UTP20: variants seen among roughly 807,000 people sequenced by gnomAD.
The protein encoded by UTP20 is small subunit processome component 20 homolog.
A neutral mutation model predicts 329.5 loss-of-function variants in UTP20; 164 were observed. The observed-to-expected ratio is 0.50, with a 90% CI of 0.44 to 0.57. The LOEUF is 0.57. Ranked by LOEUF, UTP20 falls within the 20% of genes least tolerant of loss-of-function variation. The pLI, the probability that UTP20 is intolerant of heterozygous loss-of-function variation, is 0.00. For missense variants in UTP20, 3,055 were observed against 3,284.2 expected, an observed-to-expected ratio of 0.93 and a Z score of 1.71; for synonymous variants, 1,151 against 1,159.3, an observed-to-expected ratio of 0.99 and a Z score of 0.14.
In UTP20 at chr12:101,292,077, G is replaced by A. The variant is rs766537549; in HGVS notation, c.1146G>A (p.Glu382=). ...TGGGTGAAAATGTTTCCTTGCCGGA[G>A]ACCCTCATCAAAGAAACCATAGAAA... ...LILGENVSLP[E]TLIKETIEKI... is the part of the protein sequence containing the mutation. Residue 382 remains glutamate (E), a synonymous_variant, in exon 10 of 62, where the codon GAG becomes GAA. Coordinates refer to ENST00000261637, the MANE Select transcript of UTP20 (RefSeq NM_014503.3). The A allele has an allele frequency of 4.3e-6, 7 of 1,613,158 alleles. 1 individual carries two copies. Among genetic ancestry groups the A allele is most frequent in the Admixed American group, 1.7e-5 (1 of 59,808 alleles).
At chr12:101,305,011 A>G (rs1344233160) in intron 15 of UTP20, among the ~76,000 whole-genome samples, 7 of 151,600 alleles carry the variant, frequency 4.6e-5, no homozygotes, top group African/African-American at 1.7e-4. Context: ...TGACTTTTTC[A>G]CTTCCTTTGG....
rs765245286 is a variant in UTP20 at position 101,286,502 on chromosome 12, A to G, written c.508A>G (p.Ile170Val). Residue 170 changes from isoleucine (I) to valine (V), a missense_variant, in exon 5 of 62, where the codon ATA becomes GTA. Transcript: ENST00000261637. ...WRLMVKDMSS[I>V]YSMYSTLLAH... Reference sequence around the variant, plus strand: ...ACTGATGGTGAAGGACATGTCCAGTATATACAGGTAACCCCTTTCTCTCTC... The same window carrying G: ...ACTGATGGTGAAGGACATGTCCAGTGTATACAGGTAACCCCTTTCTCTCTC... 6 of 1,585,796 alleles carry G rather than the reference A, an allele frequency of 3.8e-6. No individual in the cohort carries two copies. Among genetic ancestry groups the G allele is most frequent in the Non-Finnish European group, 5.1e-6 (6 of 1,166,330 alleles).
intron 41 of UTP20, among the ~76,000 whole-genome samples, chr12:101,355,558 T>G (rs1869691297): frequency 6.6e-6 from 1 of 152,200 alleles, no homozygotes; most frequent in Non-Finnish European, 1.5e-5. Context: ...TGGCCAACTA[T>G]GGCTCAGGGA....
In UTP20 at chr12:101,346,606, GA is replaced by G; in HGVS notation, c.4884+21del. 1.9e-6 allele frequency: 3 copies of G among 1,563,416 alleles called. No individual in the cohort carries two copies. The highest frequency in any genetic ancestry group is 2.6e-6 in the Non-Finnish European group (3 of 1,158,488). Reference sequence around the variant, plus strand: ...TGCTCAAGGTAGGTCATTAGATCTAGAAACCAAGGACCCTCTTCCCATACCA... The same window carrying G: ...TGCTCAAGGTAGGTCATTAGATCTAGAACCAAGGACCCTCTTCCCATACCA... On this transcript the variant is annotated intron_variant, in intron 38 of 61. Transcript: ENST00000261637.
chr12:101,308,466 G>A, intron 18 of UTP20, 123 bp downstream of exon 18: 1 of 588,562 alleles, frequency 1.7e-6, no homozygotes, highest in Non-Finnish European at 2.2e-6. Flanking sequence ...AAATAATAAG[G>A]GAAATCCCCA....
intron 14 of UTP20, among the ~76,000 whole-genome samples, chr12:101,300,571 G>T (rs1023473196): frequency 1.3e-5 from 2 of 152,088 alleles, no homozygotes; most frequent in African/African-American, 4.8e-5. Flanking sequence ...AGGCCTTTAT[G>T]ACTCTTTAGG....
intron 51 of UTP20, 28 bp downstream of exon 51, chr12:101,371,196 C>A: frequency 1.3e-6 from 2 of 1,540,340 alleles, no homozygotes; most frequent in Non-Finnish European, 1.8e-6. Context: ...ATCCCCATAG[C>A]AAGGGCTGGG....
At chr12:101,317,258 A>G (rs1416325464) in intron 21 of UTP20, among the ~76,000 whole-genome samples, 1 of 152,228 alleles carries the variant, frequency 6.6e-6, no homozygotes. Flanking sequence ...TAACAGTGGA[A>G]TGGGCTATCT....
Position 101,281,829 on chromosome 12 carries a change from C to T in UTP20, c.126+633C>T, listed in dbSNP as rs1320674440. On this transcript the variant is annotated intron_variant, in intron 2 of 61. Transcript: ENST00000261637. ...AAGCGATTCTCCTGCCTCAGCCTCC[C>T]GAGTAGCTGGGATTACAGGTACGTG... is the stretch of plus-strand genomic sequence containing the variant. Among the ~76,000 whole-genome samples the T allele has an allele frequency of 8.5e-5, 13 of 152,048 alleles. No homozygotes were observed. In the South Asian group the frequency reaches 1.9e-3, roughly 22 times the overall value.
chr12:101,336,355 CAG>C (rs1342278036), intron 29 of UTP20, among the ~76,000 whole-genome samples: 1 of 152,140 alleles, frequency 6.6e-6, no homozygotes, highest in Admixed American at 6.5e-5. Context: ...GAAATTAAAA[CAG>C]ATTTTTCATC....
rs1241667851 is a variant in UTP20, at chr12:101,306,178, G to T, written c.1932+113G>T. On this transcript the variant is annotated intron_variant, in intron 16 of 61. Transcript: ENST00000261637. ...AAAGTGTTGCTGTGGGATGATTTCT[G>T]TTTAAAGCGATGATTCTTAAATGTT... 8 of 1,296,454 alleles carry T rather than the reference G, an allele frequency of 6.2e-6. No homozygotes were observed. The South Asian group carries it at 6.8e-5, about 11-fold the overall frequency. 80.3% of individuals were successfully genotyped at this position (1,296,454 alleles called of 1,614,324 possible).
chr12:101,324,507 C>G (rs1405611718), intron 25 of UTP20, among the ~76,000 whole-genome samples: 1 of 152,094 alleles, frequency 6.6e-6, no homozygotes, highest in Non-Finnish European at 1.5e-5. Flanking sequence ...TGAGCTCAGG[C>G]TGTCCCCCCA....
chr12:101,294,782 G>A (rs761428424), intron 11 of UTP20, among the ~76,000 whole-genome samples: 14 of 152,108 alleles, frequency 9.2e-5, no homozygotes, highest in Non-Finnish European at 1.8e-4. Context: ...GACCTCAGAT[G>A]ATCTGCCTGC....
chr12:101,378,381 T>A (rs1248947986), intron 56 of UTP20, among the ~76,000 whole-genome samples: 1 of 152,174 alleles, frequency 6.6e-6, no homozygotes, highest in Non-Finnish European at 1.5e-5. Context: ...TTCTACTGAT[T>A]AGAAACAAGC....
intron 48 of UTP20, among the ~76,000 whole-genome samples, chr12:101,368,278 G>A (rs1219300086): frequency 6.6e-6 from 1 of 151,724 alleles, no homozygotes; most frequent in Non-Finnish European, 1.5e-5. Context: ...GACTACAGAC[G>A]CACACCACCA....
At chr12:101,342,658 T>C (rs1869179800) in intron 33 of UTP20, 69 bp downstream of exon 33, 1 of 1,546,434 alleles carries the variant, frequency 6.5e-7, no homozygotes, top group Admixed American at 1.9e-5. Flanking sequence ...GTAAACCATA[T>C]TAGGGGCTTT....
chr12:101,327,269 C>T (rs1456853201), intron 26 of UTP20, 22 bp downstream of exon 26: 2 of 1,552,950 alleles, frequency 1.3e-6, no homozygotes. Context: ...CTACCTCTCA[C>T]TCTAATACCT....
intron 12 of UTP20, among the ~76,000 whole-genome samples, chr12:101,299,119 A>G (rs1426612599): frequency 6.6e-6 from 1 of 152,202 alleles, no homozygotes; most frequent in African/African-American, 2.4e-5. Flanking sequence ...AAAGAGGCTA[A>G]CAAGAATAGT....
chr12:101,365,224 G>A (rs1367952872), intron 45 of UTP20, among the ~76,000 whole-genome samples: 1 of 152,036 alleles, frequency 6.6e-6, no homozygotes, highest in African/African-American at 2.4e-5. Flanking sequence ...GGGAGGGAGT[G>A]GAGGAAACCC....
Sources: gnomAD v4.1 joint callset for allele counts (sites outside exome capture counted in the v4.1 genomes callset) on GRCh38, gnomAD v4.1.1 for gene constraint, MANE v1.5 for transcripts, NCBI Gene and HGNC (gene_info 2026-07-23, HGNC 2026-07-21) for gene names.